GP6: variants seen among roughly 807,000 people sequenced by gnomAD.
The protein encoded by GP6 is glycoprotein VI platelet.
Under a neutral mutation model 37.3 loss-of-function variants are expected in GP6, and 45 were observed. The ratio of observed to expected loss-of-function variants is 1.21; its 90% CI spans 0.95 to 1.55. The LOEUF is 1.55. Among genes scored for constraint, GP6 ranks in the 40% most tolerant of loss-of-function variants. The probability of loss-of-function intolerance (pLI) is 0.00; values close to 1 mark genes in which losing one functional copy is unlikely to be tolerated. For missense variants in GP6, 813 were observed against 760.2 expected, an observed-to-expected ratio of 1.07 and a Z score of -0.82; for synonymous variants, 340 against 316.4, an observed-to-expected ratio of 1.07 and a Z score of -0.79.
At chr19:55,033,406 G>GGTGGGCTCGTTCGTGTTGTGTTAGACACA in intron 1 of GP6, among the ~76,000 whole-genome samples, 1 of 147,108 alleles carries the variant, frequency 6.8e-6, no homozygotes, top group Non-Finnish European at 1.5e-5. Flanking sequence ...TGTTAGACAC[G>GGTGGGCTCGTTCGTGTTGTGTTAGACACA]GTGGGCTCGT....
At chr19:55,020,971 G>C (rs1331955007) in intron 5 of GP6, among the ~76,000 whole-genome samples, 1 of 148,482 alleles carries the variant, frequency 6.7e-6, no homozygotes, top group Non-Finnish European at 1.5e-5. Flanking sequence ...AGAATCACTT[G>C]AACCCTGGAG....
intron 6 of GP6, 111 bp from the exon 7 acceptor site, chr19:55,015,844 A>G (rs2073855172): frequency 2.7e-6 from 2 of 742,216 alleles, no homozygotes; most frequent in East Asian, 5.0e-5. Flanking sequence ...CACAGCATTT[A>G]AGAAAAGCAT....
Position 55,029,286 on chromosome 19 carries a change from G to A in GP6, c.326-1424C>T, listed in dbSNP as rs1159031927. Among the ~76,000 whole-genome samples the A allele has an allele frequency of 7.4e-5, 9 of 121,274 alleles. No homozygotes were observed. The East Asian group carries it at 1.2e-3, about 16-fold the overall frequency. The allele number at this position is 121,274 out of a possible 152,430, so 79.6% of individuals were successfully genotyped here. ...TTGTTTTGTTTTGAGACGGAGTCTCGCTCTGTCACCCAGGCTGGAGTGCAA... is the reference window on the plus strand; with the variant it reads ...TTGTTTTGTTTTGAGACGGAGTCTCACTCTGTCACCCAGGCTGGAGTGCAA... On this transcript the variant is annotated intron_variant, in intron 3 of 7. Transcript: ENST00000310373.
At position 55,014,236 on chromosome 19, in the gene GP6, T is replaced by C. The variant is rs1297717642; in HGVS notation, c.1709A>G (p.Gln570Arg). 3 of 893,140 alleles carry C rather than the reference T, an allele frequency of 3.4e-6. No homozygotes were observed. In the African/African-American group the frequency reaches 4.9e-5, roughly 15 times the overall value. 55.3% of individuals were successfully genotyped at this position (893,140 alleles called of 1,614,324 possible). Residue 570 changes from glutamine to arginine, a missense_variant, in exon 8 of 8, where the codon CAG (glutamine) becomes CGG (arginine). By Grantham distance (43) the Gln-to-Arg change is conservative (BLOSUM62 1). Coordinates refer to ENST00000310373, the MANE Select transcript of GP6 (RefSeq NM_001083899.2). ...CTCCCACCTCAGCCCCCTGAGTTGC[T>C]GGGAGTATAGGGATGCACCACCACA...
At chr19:55,017,655 G>A (rs1368655421) in intron 6 of GP6, among the ~76,000 whole-genome samples, 2 of 152,100 alleles carry the variant, frequency 1.3e-5, no homozygotes, top group Non-Finnish European at 2.9e-5. Context: ...AGACAAAATT[G>A]GAGGGATCAA....
At chr19:55,032,870 CGTTCGTGTT>C (rs2074624432) in intron 1 of GP6, 2 of 386,146 alleles carry the variant, frequency 5.2e-6, no homozygotes, top group African/African-American at 4.9e-5. Flanking sequence ...ACGGTGGGCT[CGTTCGTGTT>C]AGACACGGTG....
At chr19:55,019,181 C>A (rs1451748414) in intron 5 of GP6, among the ~76,000 whole-genome samples, 1 of 149,896 alleles carries the variant, frequency 6.7e-6, no homozygotes, top group Non-Finnish European at 1.5e-5. Context: ...TCTCAGCTCA[C>A]TGCAACCTCC....
chr19:55,017,035 AAAC>A (rs1368088681), intron 6 of GP6, among the ~76,000 whole-genome samples: 5 of 152,108 alleles, frequency 3.3e-5, no homozygotes, highest in South Asian at 2.1e-4. Context: ...TCCGTCTCAA[AAAC>A]AACAACAAAA....
At chr19:55,028,740 T>G (rs1176477149) in intron 3 of GP6, among the ~76,000 whole-genome samples, 1 of 152,224 alleles carries the variant, frequency 6.6e-6, no homozygotes, top group Admixed American at 6.5e-5. Context: ...AGAGTTTGAT[T>G]CCAGGGTCTC....
Position 55,038,129 on chromosome 19 carries a change from T to A in GP6, c.34+74A>T, listed in dbSNP as rs138216712. 5,817 of 1,250,382 alleles carry A rather than the reference T, an allele frequency of 4.7e-3. 26 individuals carry two copies. Among genetic ancestry groups the A allele is most frequent in the Non-Finnish European group, 6.3e-3 (5,446 of 870,928 alleles). The allele number at this position is 1,250,382 out of a possible 1,614,324, so 77.5% of individuals were successfully genotyped here. On this transcript the variant is annotated intron_variant, in intron 1 of 7. Transcript: ENST00000310373. ...TCCTGAAATTCATCACCAATGCAAATTTCTTAAAAATCCTTTGTCTGGCAG... is the reference window on the plus strand; with the variant it reads ...TCCTGAAATTCATCACCAATGCAAAATTCTTAAAAATCCTTTGTCTGGCAG...
intron 1 of GP6, among the ~76,000 whole-genome samples, chr19:55,034,288 G>A (rs1255028094): frequency 2.0e-5 from 3 of 152,002 alleles, no homozygotes; most frequent in Non-Finnish European, 4.4e-5. Flanking sequence ...CGGGCACGGT[G>A]GCTCATGCCT....
At chr19:55,032,773 A>G in intron 1 of GP6, 1 of 627,392 alleles carries the variant, frequency 1.6e-6, no homozygotes, top group Non-Finnish European at 2.9e-6. Context: ...GAGATGGAGA[A>G]GAAAGCAGAT....
At chr19:55,018,923 T>G (rs2073973179) in intron 5 of GP6, 1 of 611,628 alleles carries the variant, frequency 1.6e-6, no homozygotes, top group African/African-American at 1.8e-5. Flanking sequence ...GATAGACACT[T>G]GGTTTTTTTT....
Position 55,014,449 on chromosome 19 carries a change from C to T in GP6, c.1496G>A (p.Gly499Asp), listed in dbSNP as rs776805197. 6.2e-7 allele frequency: 1 copy of T among 1,613,626 alleles called. No individual in the cohort carries two copies. The highest frequency in any genetic ancestry group is 8.5e-7 in the Non-Finnish European group (1 of 1,179,564). Residue 499 changes from glycine to aspartate, a missense_variant, in exon 8 of 8, where the codon GGT (glycine) becomes GAT (aspartate). By Grantham distance (94) the Gly-to-Asp change is moderately conservative. Coordinates refer to ENST00000310373, the MANE Select transcript of GP6 (RefSeq NM_001083899.2). ...GAGAGACGAAAGGAGATTTGTTAGA[C>T]CGCAGTGGGAGATGGAGTGAGGGTG...
At chr19:55,032,082 A>G (rs1237247348) in intron 3 of GP6, 57 bp downstream of exon 3, 2 of 1,573,830 alleles carry the variant, frequency 1.3e-6, no homozygotes, top group Admixed American at 3.4e-5. Context: ...TGTCCCCCGT[A>G]TTTGTGTCCT....
chr19:55,025,375 C>T (rs994512528), intron 4 of GP6, 104 bp from the exon 5 acceptor site: 3 of 771,202 alleles, frequency 3.9e-6, no homozygotes, highest in Non-Finnish European at 6.9e-6. Flanking sequence ...AAAAATGAGC[C>T]TAAAGTAGCT....
intron 1 of GP6, among the ~76,000 whole-genome samples, chr19:55,033,794 AAGGATGGAGC>A (rs2074705290): frequency 6.6e-6 from 1 of 152,206 alleles, no homozygotes; most frequent in Non-Finnish European, 1.5e-5. Context: ...ATTGGGCTCC[AAGGATGGAGC>A]AGGATGGAGC....
At chr19:55,015,261 C>G (rs45587235) in intron 7 of GP6, 96 bp from the exon 8 acceptor site, 131 of 1,543,210 alleles carry the variant, frequency 8.5e-5, no homozygotes, top group Non-Finnish European at 1.1e-4. Context: ...CTATTATTCT[C>G]TACTAGCTAG....
rs532901571 is a variant in GP6 at position 55,036,788 on chromosome 19, G to A, written c.34+1415C>T. Among the ~76,000 whole-genome samples the A allele has an allele frequency of 2.1e-4, 32 of 152,274 alleles. No individual in the cohort carries two copies. The South Asian group carries it at 6.6e-3, about 32-fold the overall frequency. On this transcript the variant is annotated intron_variant, in intron 1 of 7. Transcript: ENST00000310373. The stretch of plus-strand genomic sequence containing the variant: ...AGCACTTTGGGAGGCCGAGGCGGGT[G>A]GAACCTGAAGTAAGGAGCTTGAGAC...
Sources: allele counts gnomAD v4.1 joint callset (sites outside exome capture counted in the v4.1 genomes callset), GRCh38; gene constraint gnomAD v4.1.1; transcripts MANE v1.5; gene names NCBI Gene and HGNC (gene_info 2026-07-23, HGNC 2026-07-21).